The following BCAP29 variants were observed in gnomAD, a reference collection of about 807,000 sequenced individuals.
The protein encoded by BCAP29 is B-cell receptor-associated protein 29.
BCAP29 carries 34 observed loss-of-function variants against 31.8 expected under a neutral mutation model. The observed-to-expected ratio is 1.07, with a 90% CI of 0.81 to 1.42. The LOEUF is 1.42. Among genes scored for constraint, BCAP29 ranks in the 40% most tolerant of loss-of-function variants. BCAP29 has a pLI of 0.00. For synonymous variants in BCAP29, 104 were observed against 91.3 expected (o/e 1.14, Z -0.79); for missense variants, 314 against 269.2 (o/e 1.17, Z -1.16).
intron 2 of BCAP29, 131 bp from the exon 3 acceptor site, chr7:107,583,751 A>G (rs983439251): frequency 4.2e-6 from 2 of 470,984 alleles, no homozygotes; most frequent in African/African-American, 4.0e-5. Flanking sequence ...CAGAATTAAT[A>G]AATTTTAAAA....
chr7:107,600,228 TAA>T (rs1325942393), intron 5 of BCAP29, 167 bp from the exon 6 acceptor site: 1 of 650,512 alleles, frequency 1.5e-6, no homozygotes, highest in Admixed American at 2.3e-5. Context: ...TCCCAAATAT[TAA>T]GTTTCTGTTA....
intron 3 of BCAP29, among the ~76,000 whole-genome samples, chr7:107,588,829 TG>T (rs1168424031): frequency 6.6e-6 from 1 of 152,192 alleles, no homozygotes; most frequent in East Asian, 1.9e-4. Context: ...CTTAAATTCT[TG>T]GTTGACTCTT....
chr7:107,587,264 A>G (rs570265380), intron 3 of BCAP29: 2 of 152,292 alleles, frequency 1.3e-5, no homozygotes, highest in African/African-American at 2.4e-5. Context: ...AAAATTGACT[A>G]TATGTCACAT....
intron 3 of BCAP29, among the ~76,000 whole-genome samples, chr7:107,589,782 C>G (rs1300455483): frequency 6.6e-6 from 1 of 152,146 alleles, no homozygotes; most frequent in East Asian, 1.9e-4. Flanking sequence ...GGATTGAAGT[C>G]CTACCAAGGA....
chr7:107,605,466 A>G (rs149121644), intron 6 of BCAP29, among the ~76,000 whole-genome samples: 11 of 152,354 alleles, frequency 7.2e-5, no homozygotes, highest in Middle Eastern at 3.4e-3. Flanking sequence ...TGCTAAATGC[A>G]TACTGAATCA....
intron 6 of BCAP29, among the ~76,000 whole-genome samples, chr7:107,602,652 A>G (rs554947315): frequency 1.3e-5 from 2 of 152,220 alleles, no homozygotes; most frequent in African/African-American, 4.8e-5. Context: ...TTTTCTCCCA[A>G]GTGTATTATT....
chr7:107,604,751 T>A (rs555848043), intron 6 of BCAP29, among the ~76,000 whole-genome samples: 2 of 150,428 alleles, frequency 1.3e-5, no homozygotes, highest in Non-Finnish European at 2.9e-5. Flanking sequence ...AAAAACATAT[T>A]ATTTGTTTTC....
At chr7:107,594,132 C>T in intron 4 of BCAP29, 27 bp downstream of exon 4, 1 of 1,555,844 alleles carries the variant, frequency 6.4e-7, no homozygotes, top group South Asian at 1.1e-5. Context: ...AATAGAAGCA[C>T]AATTTAAAAA....
intron 5 of BCAP29, among the ~76,000 whole-genome samples, chr7:107,599,189 G>GTATATATATATTTATAAA (rs1810500896): frequency 1.7e-4 from 4 of 23,868 alleles, no homozygotes; most frequent in South Asian, 1.3e-3. Context: ...AAATTTATAT[G>GTATATATATATTTATAAA]TATATAAATA....
chr7:107,604,628 A>G (rs572391487), intron 6 of BCAP29, among the ~76,000 whole-genome samples: 30 of 151,572 alleles, frequency 2.0e-4, no homozygotes, highest in Non-Finnish European at 3.8e-4. Flanking sequence ...TTTTAAAATT[A>G]TTAATGCTTA....
At chr7:107,584,062 A>C in intron 3 of BCAP29, 80 bp downstream of exon 3, 1 of 790,096 alleles carries the variant, frequency 1.3e-6, no homozygotes, top group Non-Finnish European at 1.9e-6. Context: ...TTGATGTTAC[A>C]ATTGGTGTAC....
chr7:107,593,624 T>G (rs775530368), intron 3 of BCAP29, among the ~76,000 whole-genome samples: 16 of 152,244 alleles, frequency 1.1e-4, no homozygotes, highest in Non-Finnish European at 2.2e-4. Flanking sequence ...GTCAATAGGC[T>G]GAATTTTAGT....
At chr7:107,601,316 G>A (rs574731888) in intron 6 of BCAP29, among the ~76,000 whole-genome samples, 3 of 152,092 alleles carry the variant, frequency 2.0e-5, no homozygotes, top group Non-Finnish European at 2.9e-5. Context: ...GTTAAGGTAC[G>A]TTGTTTGGAT....
chr7:107,605,563 T>C (rs1460821032), intron 6 of BCAP29, among the ~76,000 whole-genome samples: 1 of 152,190 alleles, frequency 6.6e-6, no homozygotes, highest in African/African-American at 2.4e-5. Context: ...ATGAGTGAAA[T>C]GATACTACTG....
At chr7:107,603,491 A>G (rs573328382) in intron 6 of BCAP29, 5 of 152,004 alleles carry the variant, frequency 3.3e-5, no homozygotes, top group East Asian at 1.9e-4. Context: ...AATTAGCAGT[A>G]TATGTCTTCT....
chr7:107,621,925 C>T (rs771844324), downstream of BCAP29: 1 of 533,462 alleles, frequency 1.9e-6, no homozygotes, highest in East Asian at 5.4e-5. Context: ...CAGGAGCATG[C>T]AGGACAGATC....
chr7:107,590,728 A>AGAGTT (rs1808561015), intron 3 of BCAP29, among the ~76,000 whole-genome samples: 1 of 151,654 alleles, frequency 6.6e-6, no homozygotes, highest in African/African-American at 2.4e-5. Context: ...CTGAGGTGGG[A>AGAGTT]GAGTTGCTTG....
chr7:107,581,895 C>A (rs1337652161), intron 2 of BCAP29, among the ~76,000 whole-genome samples: 1 of 152,112 alleles, frequency 6.6e-6, no homozygotes, highest in African/African-American at 2.4e-5. Flanking sequence ...TTATTTGATC[C>A]ATTCCACCCA....
rs145143247 is a variant in BCAP29, at chr7:107,595,887, C to T, written c.365C>T (p.Thr122Met). Residue 122 changes from threonine (T) to methionine (M), a missense_variant, in exon 5 of 8, where the codon ACG becomes ATG. Coordinates refer to ENST00000005259, the MANE Select transcript of BCAP29 (RefSeq NM_018844.4). The stretch of plus-strand genomic sequence containing the variant: ...CTTAGAGTTTTGAGACGTCTGGTTA[C>T]GCTTATTACTCAACTGGCAAAAGAA... ...FFWLVLRRLV[T>M]LITQLAKELS... 8.7e-5 allele frequency: 139 copies of T among 1,601,766 alleles called. 1 individual carries two copies. Among genetic ancestry groups the T allele is most frequent in the South Asian group, 5.1e-4 (45 of 88,220 alleles).
Sources: allele counts gnomAD v4.1 joint callset (sites outside exome capture counted in the v4.1 genomes callset), GRCh38; gene constraint gnomAD v4.1.1; transcripts MANE v1.5; gene names NCBI Gene and HGNC (gene_info 2026-07-23, HGNC 2026-07-21).